Variants in PDE6A observed in about 807,000 individuals in gnomAD.
The protein encoded by PDE6A is rod cGMP-specific 3',5'-cyclic phosphodiesterase subunit alpha.
In PDE6A, 84 loss-of-function variants were observed where a neutral mutation model predicts 106.3. That is an observed-to-expected ratio of 0.79 (90% confidence interval 0.66 to 0.95). The LOEUF (loss-of-function observed/expected upper bound fraction) is 0.95, where lower values mean the gene tolerates loss of function less well. Ranked by LOEUF, PDE6A falls within the 40% of genes least tolerant of loss-of-function variation. PDE6A has a pLI of 0.00. For missense variants in PDE6A, 1,052 were observed against 1,084.9 expected (o/e 0.97, Z 0.43); for synonymous variants, 394 against 386.6 (o/e 1.02, Z -0.23).
intron 3 of PDE6A, chr5:149,932,246 C>T: frequency 1.4e-6 from 2 of 1,406,128 alleles, no homozygotes; most frequent in Non-Finnish European, 2.0e-6. Flanking sequence ...TTCTGACCAG[C>T]TGTCCATTTT....
chr5:149,933,071 T>C (rs1754089703), intron 3 of PDE6A, among the ~76,000 whole-genome samples: 1 of 152,188 alleles, frequency 6.6e-6, no homozygotes, highest in Non-Finnish European at 1.5e-5. Flanking sequence ...TAGCTCACTG[T>C]AGTCTCCAAC....
At chr5:149,936,906 A>G (rs1372122203) in intron 1 of PDE6A, among the ~76,000 whole-genome samples, 1 of 152,232 alleles carries the variant, frequency 6.6e-6, no homozygotes, top group African/African-American at 2.4e-5. Flanking sequence ...TCCATATGCT[A>G]GGCACTCTTC....
intron 7 of PDE6A, among the ~76,000 whole-genome samples, chr5:149,904,734 C>G (rs1373904025): frequency 6.6e-6 from 1 of 152,096 alleles, no homozygotes; most frequent in African/African-American, 2.4e-5. Flanking sequence ...ACTGCACCAG[C>G]CTTCTGACCT....
At chr5:149,868,208 T>C in intron 17 of PDE6A, 50 bp from the exon 18 acceptor site, 1 of 1,542,780 alleles carries the variant, frequency 6.5e-7, no homozygotes. Context: ...TAAGACTTCA[T>C]GTACTGGTTA....
At chr5:149,879,404 T>A (rs1025806532) in intron 17 of PDE6A, among the ~76,000 whole-genome samples, 9 of 144,224 alleles carry the variant, frequency 6.2e-5, no homozygotes, top group Admixed American at 6.2e-4. Flanking sequence ...CGCTCTGAAA[T>A]TTTTTTTTTT....
intron 1 of PDE6A, among the ~76,000 whole-genome samples, chr5:149,937,805 A>G (rs975559203): frequency 9.8e-5 from 15 of 152,324 alleles, no homozygotes; most frequent in African/African-American, 3.6e-4. Context: ...CTGAGTAATA[A>G]TGACTAGGCT....
intron 3 of PDE6A, among the ~76,000 whole-genome samples, 153 bp from the exon 4 acceptor site, chr5:149,931,321 T>C (rs1263879308): frequency 2.0e-5 from 3 of 151,946 alleles, no homozygotes; most frequent in Non-Finnish European, 2.9e-5. Flanking sequence ...AACTATCCCC[T>C]ATTTTTACTT....
Position 149,932,243 on chromosome 5 carries a change from C to T in PDE6A, c.718-1075G>A, listed in dbSNP as rs1754056036. ...TGCCATAAAGAGAATCATTTCTGAC[C>T]AGCTGTCCATTTTGGCGAACAGCAG... On this transcript the variant is annotated intron_variant, in intron 3 of 21. Coordinates refer to ENST00000255266, the MANE Select transcript of PDE6A (RefSeq NM_000440.3). The T allele has an allele frequency of 9.3e-6, 13 of 1,404,382 alleles. No individual in the cohort carries two copies. In the South Asian group the frequency reaches 1.3e-4, roughly 14 times the overall value. 87.0% of individuals were successfully genotyped at this position (1,404,382 alleles called of 1,614,324 possible).
At chr5:149,899,216 G>C (rs1752872914) in intron 9 of PDE6A, among the ~76,000 whole-genome samples, 159 bp downstream of exon 9, 1 of 152,162 alleles carries the variant, frequency 6.6e-6, no homozygotes, top group African/African-American at 2.4e-5. Context: ...CAGCACATCA[G>C]TGCAGTACAG....
At chr5:149,942,128 G>GTT in intron 1 of PDE6A, among the ~76,000 whole-genome samples, 3 of 151,812 alleles carry the variant, frequency 2.0e-5, no homozygotes, top group African/African-American at 7.2e-5. Flanking sequence ...CACCCAGCGA[G>GTT]TTTTTTTATT....
At chr5:149,888,135 T>C (rs1472653929) in intron 13 of PDE6A, among the ~76,000 whole-genome samples, 1 of 152,138 alleles carries the variant, frequency 6.6e-6, no homozygotes, top group East Asian at 1.9e-4. Context: ...CAAGATCATA[T>C]CTCAAAAGTA....
At chr5:149,906,021 C>A (rs539099119) in intron 7 of PDE6A, among the ~76,000 whole-genome samples, 8 of 152,052 alleles carry the variant, frequency 5.3e-5, no homozygotes, top group African/African-American at 1.9e-4. Flanking sequence ...CCATGCCTGG[C>A]TAATTTTTAA....
chr5:149,940,560 C>T (rs770696317), intron 1 of PDE6A, among the ~76,000 whole-genome samples: 5 of 146,194 alleles, frequency 3.4e-5, no homozygotes, highest in East Asian at 4.1e-4. Context: ...TGCAATGGTG[C>T]GGTCTCGGCT....
chr5:149,939,867 A>G (rs1754281162), intron 1 of PDE6A, among the ~76,000 whole-genome samples: 1 of 152,062 alleles, frequency 6.6e-6, no homozygotes, highest in South Asian at 2.1e-4. Context: ...AGGAGGGAGT[A>G]CAGAATAGCA....
At chr5:149,920,853 T>C (rs944420273) in intron 5 of PDE6A, among the ~76,000 whole-genome samples, 1 of 144,574 alleles carries the variant, frequency 6.9e-6, no homozygotes, top group Non-Finnish European at 1.5e-5. Flanking sequence ...CTAGGCAACA[T>C]ACAAAGACCC....
At position 149,889,061 on chromosome 5, in the gene PDE6A, G is replaced by C. The variant is rs1332103943; in HGVS notation, c.1729-2687C>G. 2.8e-5 allele frequency among the ~76,000 whole-genome samples: 3 copies of C among 107,094 alleles called. No individual in the cohort carries two copies. In the East Asian group the frequency reaches 6.9e-4, roughly 25 times the overall value. The allele number at this position is 107,094 out of a possible 152,430, so 70.3% of individuals were successfully genotyped here. ...TGTGCCACTGCACTCCAGCCTGGGC[G>C]ACAGAGTGAGACTCTGTCTCAAAAA... On this transcript the variant is annotated intron_variant, in intron 13 of 21. Coordinates refer to ENST00000255266, the MANE Select transcript of PDE6A (RefSeq NM_000440.3).
intron 6 of PDE6A, among the ~76,000 whole-genome samples, chr5:149,912,704 A>G (rs1043282470): frequency 6.6e-6 from 1 of 152,120 alleles, no homozygotes; most frequent in Non-Finnish European, 1.5e-5. Flanking sequence ...GTGCACCCAT[A>G]CTGGGATGGT....
chr5:149,925,936 AG>A (rs1753853972), intron 4 of PDE6A, among the ~76,000 whole-genome samples: 1 of 152,174 alleles, frequency 6.6e-6, no homozygotes, highest in African/African-American at 2.4e-5. Flanking sequence ...GTATTGCAGA[AG>A]AATAGGTAAA....
At chr5:149,895,094 A>T in intron 13 of PDE6A, 89 bp downstream of exon 13, 1 of 816,258 alleles carries the variant, frequency 1.2e-6, no homozygotes, top group South Asian at 1.3e-5. Context: ...AAGAAAGAAG[A>T]ACAACGCTGT....
Sources: gnomAD v4.1 joint callset for allele counts (sites outside exome capture counted in the v4.1 genomes callset) on GRCh38, gnomAD v4.1.1 for gene constraint, MANE v1.5 for transcripts, NCBI Gene and HGNC (gene_info 2026-07-23, HGNC 2026-07-21) for gene names.